MYO18B: variants seen among roughly 807,000 people sequenced by gnomAD.
MYO18B encodes unconventional myosin-XVIIIb.
A neutral mutation model predicts 273.0 loss-of-function variants in MYO18B; 204 were observed. The observed-to-expected ratio is 0.75, with a 90% CI of 0.67 to 0.84. MYO18B has a LOEUF of 0.84. Ranked by LOEUF, MYO18B falls within the 40% of genes least tolerant of loss-of-function variation. MYO18B has a pLI of 0.00. For synonymous variants in MYO18B, 1,330 were observed against 1,305.7 expected, an observed-to-expected ratio of 1.02 and a Z score of -0.40; for missense variants, 3,212 against 3,287.6, an observed-to-expected ratio of 0.98 and a Z score of 0.56.
intron 40 of MYO18B, among the ~76,000 whole-genome samples, chr22:25,993,117 G>C (rs1366067379): frequency 1.3e-5 from 2 of 152,102 alleles, no homozygotes; most frequent in Non-Finnish European, 2.9e-5. Flanking sequence ...TCAGAAGATA[G>C]GCTACTTTTC....
At chr22:26,024,668 T>G (rs1253153761) in intron 42 of MYO18B, among the ~76,000 whole-genome samples, 1 of 152,144 alleles carries the variant, frequency 6.6e-6, no homozygotes, top group Non-Finnish European at 1.5e-5. Flanking sequence ...CATGAAGCCC[T>G]TTAGCCGGGC....
At chr22:25,851,684 T>G in intron 21 of MYO18B, 105 bp downstream of exon 21, 1 of 841,404 alleles carries the variant, frequency 1.2e-6, no homozygotes, top group Non-Finnish European at 1.9e-6. Flanking sequence ...GCCTGTAATC[T>G]CAGTGCTTTG....
At chr22:25,964,488 T>G (rs942543214) in intron 39 of MYO18B, among the ~76,000 whole-genome samples, 1 of 152,190 alleles carries the variant, frequency 6.6e-6, no homozygotes, top group Non-Finnish European at 1.5e-5. Context: ...ATAATATATG[T>G]TAATATTGCT....
intron 12 of MYO18B, among the ~76,000 whole-genome samples, chr22:25,799,162 C>T (rs201561659): frequency 3.1e-5 from 1 of 32,760 alleles, no homozygotes; most frequent in African/African-American, 6.9e-5. Flanking sequence ...TGTGTGTGTG[C>T]TTGGATAGGT....
intron 1 of MYO18B, 40 bp downstream of exon 1, chr22:25,742,333 G>A (rs531669853): frequency 1.3e-5 from 2 of 152,404 alleles, no homozygotes; most frequent in East Asian, 1.9e-4. Flanking sequence ...CCTTGCGAGC[G>A]GATCGGCGAG....
chr22:25,746,245 T>C lies in MYO18B; in HGVS notation c.-110+3952T>C, dbSNP rs185497160. 2.8e-3 allele frequency among the ~76,000 whole-genome samples: 428 copies of C among 152,342 alleles called. 3 individuals are homozygous for C. The highest frequency in any genetic ancestry group is 1.0e-2 in the African/African-American group (414 of 41,566). ...GAGGAAACTCAGCATCAGAGAGGTT[T>C]AGTGACTTGCTTTTCTGCTTGTTTT... On this transcript the variant is annotated intron_variant, in intron 1 of 43. Coordinates refer to ENST00000335473, the MANE Select transcript of MYO18B (RefSeq NM_032608.7).
chr22:25,821,301 T>TG (rs2089271208), intron 12 of MYO18B, among the ~76,000 whole-genome samples: 1 of 134,930 alleles, frequency 7.4e-6, no homozygotes, highest in Non-Finnish European at 1.6e-5. Flanking sequence ...GTCTAAGAGT[T>TG]CCTTTTTTTT....
At position 25,763,390 on chromosome 22, in the gene MYO18B, G is replaced by T. The variant is rs200238351; in HGVS notation, c.198+1G>T. The T allele has an allele frequency of 2.5e-6, 4 of 1,607,040 alleles. No homozygotes were observed. Among genetic ancestry groups the T allele is most frequent in the Non-Finnish European group, 1.7e-6 (2 of 1,178,338 alleles). On this transcript the variant is annotated splice_donor_variant, in intron 3 of 43. Transcript: ENST00000335473. LOFTEE classifies it high-confidence loss of function. ...AGCTGTCGCCTCTCCAGAACGAGAG[G>T]TAAGTGGTTCCTAAGAAGGAGGACC...
chr22:25,868,714 C>T (rs2090962404), intron 22 of MYO18B, among the ~76,000 whole-genome samples: 1 of 152,184 alleles, frequency 6.6e-6, no homozygotes, highest in Non-Finnish European at 1.5e-5. Flanking sequence ...AGAAGAACTG[C>T]TCATCTTCAC....
At chr22:25,999,901 G>A (rs984351328) in intron 40 of MYO18B, among the ~76,000 whole-genome samples, 6 of 152,032 alleles carry the variant, frequency 3.9e-5, no homozygotes, top group Admixed American at 1.3e-4. Context: ...TGATCTGCCC[G>A]CCTCGCCTCC....
chr22:25,875,980 A>G (rs1331745501), intron 23 of MYO18B, among the ~76,000 whole-genome samples: 1 of 151,528 alleles, frequency 6.6e-6, no homozygotes, highest in East Asian at 1.9e-4. Context: ...TGACATATCA[A>G]AAAGACTACA....
intron 9 of MYO18B, among the ~76,000 whole-genome samples, chr22:25,780,798 A>G (rs1028845395): frequency 2.0e-5 from 3 of 152,098 alleles, no homozygotes; most frequent in Admixed American, 2.0e-4. Context: ...ATGAGCAAAT[A>G]GAGAATTCAG....
At chr22:25,876,488 C>T (rs1429188930) in intron 24 of MYO18B, among the ~76,000 whole-genome samples, 156 bp downstream of exon 24, 3 of 152,114 alleles carry the variant, frequency 2.0e-5, no homozygotes, top group African/African-American at 7.2e-5. Flanking sequence ...GTTCCTCTGC[C>T]TCCAACAACA....
chr22:25,771,071 G>T lies in MYO18B; in HGVS notation c.1692+87G>T, dbSNP rs140085739. 83 of 962,352 alleles carry T rather than the reference G, an allele frequency of 8.6e-5. No homozygotes were observed. In the East Asian group the frequency reaches 2.0e-3, roughly 23 times the overall value. The allele number at this position is 962,352 out of a possible 1,614,324, so 59.6% of individuals were successfully genotyped here. A position where few individuals can be genotyped will look rare whatever the true frequency, so the allele number is the denominator to read the frequency against. The stretch of plus-strand genomic sequence containing the variant: ...ATACCCTCCTTCCCCAGTCCTGCAA[G>T]AGATTTCCTTGTTCCTGACTACCAA... On this transcript the variant is annotated intron_variant, in intron 6 of 43. Transcript: ENST00000335473.
chr22:25,903,526 A>G (rs1601530299), intron 30 of MYO18B, 105 bp from the exon 31 acceptor site: 1 of 1,187,214 alleles, frequency 8.4e-7, no homozygotes, highest in South Asian at 1.5e-5. Context: ...GGCATTGGAA[A>G]GTGGAAAACG....
At chr22:25,921,856 G>GC (rs1569193559) in intron 34 of MYO18B, among the ~76,000 whole-genome samples, 1 of 141,256 alleles carries the variant, frequency 7.1e-6, no homozygotes, top group African/African-American at 2.8e-5. Flanking sequence ...GTGTGTGTGT[G>GC]GTGACTGCCA....
intron 22 of MYO18B, among the ~76,000 whole-genome samples, chr22:25,871,687 G>A (rs550351275): frequency 1.3e-5 from 2 of 152,220 alleles, no homozygotes; most frequent in Admixed American, 1.3e-4. Flanking sequence ...AGCCTCTGGC[G>A]CCTTATCAAG....
intron 24 of MYO18B, among the ~76,000 whole-genome samples, chr22:25,876,563 C>T (rs2091205331): frequency 6.6e-6 from 1 of 152,174 alleles, no homozygotes; most frequent in African/African-American, 2.4e-5. Context: ...ATGCTATTAC[C>T]ACCCTGGGGG....
chr22:25,842,602 G>T (rs1212165749), intron 17 of MYO18B, among the ~76,000 whole-genome samples: 1 of 151,248 alleles, frequency 6.6e-6, no homozygotes, highest in African/African-American at 2.4e-5. Flanking sequence ...AACCTGGGAG[G>T]TGGAGGTTGC....
Sources: allele counts gnomAD v4.1 joint callset (sites outside exome capture counted in the v4.1 genomes callset), GRCh38; gene constraint gnomAD v4.1.1; transcripts MANE v1.5; gene names NCBI Gene and HGNC (gene_info 2026-07-23, HGNC 2026-07-21).